The following RBPJ variants were observed in gnomAD, a reference collection of about 807,000 sequenced individuals.
The protein encoded by RBPJ is recombination signal binding protein for immunoglobulin kappa J region.
RBPJ carries 9 observed loss-of-function variants against 67.8 expected under a neutral mutation model. The observed-to-expected ratio is 0.13, with a 90% CI of 0.08 to 0.23. The LOEUF (loss-of-function observed/expected upper bound fraction) is 0.23, where lower values mean the gene tolerates loss of function less well. RBPJ is among the 10% of genes least tolerant of loss of function. The pLI is 1.00. For synonymous variants in RBPJ, 198 were observed against 203.3 expected (o/e 0.97, Z 0.22); for missense variants, 305 against 595.6 (o/e 0.51, Z 5.08).
intron 1 of RBPJ, among the ~76,000 whole-genome samples, chr4:26,197,336 G>A (rs897824475): frequency 2.6e-5 from 4 of 152,286 alleles, no homozygotes; most frequent in Non-Finnish European, 5.9e-5. Flanking sequence ...AACACAGGCT[G>A]GACCTCTGCC....
At chr4:26,230,189 TAA>T (rs76427821) in intron 1 of RBPJ, among the ~76,000 whole-genome samples, 17 of 138,304 alleles carry the variant, frequency 1.2e-4, no homozygotes, top group Admixed American at 1.5e-4. Flanking sequence ...GACCCTATCT[TAA>T]AAAAAAAAAA....
At chr4:26,149,614 G>GCTCTCT in the RBPJ span, among the ~76,000 whole-genome samples, 3 of 150,594 alleles carry the variant, frequency 2.0e-5, no homozygotes, top group Non-Finnish European at 4.4e-5. Flanking sequence ...AGTGAGCTCA[G>GCTCTCT]CTCTCTCTCT....
chr4:26,243,007 G>A (rs1173526374), intron 1 of RBPJ, among the ~76,000 whole-genome samples: 2 of 152,070 alleles, frequency 1.3e-5, no homozygotes, highest in African/African-American at 2.4e-5. Context: ...TGGGTGGATC[G>A]CCTAAGGTTG....
At chr4:26,284,491 C>T (rs1285463415) in intron 1 of RBPJ, among the ~76,000 whole-genome samples, 1 of 152,206 alleles carries the variant, frequency 6.6e-6, no homozygotes, top group Non-Finnish European at 1.5e-5. Context: ...TTTTTTGAGA[C>T]TGAGTCTCGC....
intron 2 of RBPJ, among the ~76,000 whole-genome samples, chr4:26,393,773 A>G (rs541561613): frequency 3.9e-5 from 6 of 152,162 alleles, no homozygotes; most frequent in African/African-American, 1.4e-4. Context: ...ATTTGATGAG[A>G]AATATTTTAA....
intron 1 of RBPJ, among the ~76,000 whole-genome samples, chr4:26,221,664 T>C (rs925514062): frequency 3.3e-5 from 5 of 152,144 alleles, no homozygotes; most frequent in African/African-American, 1.2e-4. Context: ...AAACAATACT[T>C]ACAAAGAGTA....
intron 2 of RBPJ, among the ~76,000 whole-genome samples, chr4:26,398,021 T>C (rs1298664855): frequency 6.6e-6 from 1 of 152,190 alleles, no homozygotes; most frequent in African/African-American, 2.4e-5. Flanking sequence ...TGTGGCCTAT[T>C]GTGTTTCTCA....
At chr4:26,355,512 G>A (rs1358769527) in intron 1 of RBPJ, among the ~76,000 whole-genome samples, 1 of 151,776 alleles carries the variant, frequency 6.6e-6, no homozygotes, top group Non-Finnish European at 1.5e-5. Context: ...AAATGGGTGT[G>A]GGGGTGCATG....
chr4:26,199,738 G>T (rs1000674190), intron 1 of RBPJ, among the ~76,000 whole-genome samples: 15 of 152,186 alleles, frequency 9.9e-5, no homozygotes, highest in East Asian at 3.8e-4. Context: ...CTTTTTGGGG[G>T]TGTTGAAAAT....
chr4:26,178,552 G>A (rs941363512), intron 1 of RBPJ, among the ~76,000 whole-genome samples: 21 of 150,858 alleles, frequency 1.4e-4, no homozygotes, highest in African/African-American at 5.1e-4. Flanking sequence ...AGATTGCAGT[G>A]GGCTGAGATC....
intron 1 of RBPJ, among the ~76,000 whole-genome samples, chr4:26,311,393 G>T (rs1009865665): frequency 6.6e-6 from 1 of 152,058 alleles, no homozygotes; most frequent in Non-Finnish European, 1.5e-5. Flanking sequence ...AAAAAAATTA[G>T]CCAGGCATGG....
the RBPJ span, among the ~76,000 whole-genome samples, chr4:26,154,826 G>T: frequency 4.9e-3 from 750 of 152,284 alleles, 6 homozygotes; most frequent in African/African-American, 0.017. Flanking sequence ...AGGGGAAGAG[G>T]TGCCAGGCTC....
At chr4:26,255,638 T>TA (rs553711128) in intron 1 of RBPJ, among the ~76,000 whole-genome samples, 9 of 148,938 alleles carry the variant, frequency 6.0e-5, no homozygotes, top group Admixed American at 3.3e-4. Context: ...CCGTCTCTAC[T>TA]AAAAATACAA....
At chr4:26,231,461 G>A (rs1049959545) in intron 1 of RBPJ, among the ~76,000 whole-genome samples, 25 of 151,146 alleles carry the variant, frequency 1.7e-4, no homozygotes, top group Non-Finnish European at 3.4e-4. Flanking sequence ...GCCCAGGCTG[G>A]AGTGCAGTGG....
the RBPJ span, among the ~76,000 whole-genome samples, chr4:26,120,687 A>G: frequency 6.8e-6 from 1 of 147,536 alleles, no homozygotes; most frequent in Non-Finnish European, 1.5e-5. Flanking sequence ...TCATAACCTA[A>G]TAGGTTACTC....
chr4:26,366,367 A>G (rs1257165564), intron 1 of RBPJ, among the ~76,000 whole-genome samples: 1 of 151,786 alleles, frequency 6.6e-6, no homozygotes, highest in Non-Finnish European at 1.5e-5. Flanking sequence ...TTTTGTTGCT[A>G]TATTGTTTTG....
At chr4:26,403,605 A>G (rs553621210) in intron 2 of RBPJ, among the ~76,000 whole-genome samples, 1 of 152,106 alleles carries the variant, frequency 6.6e-6, no homozygotes, top group South Asian at 2.1e-4. Flanking sequence ...CTCATCATTT[A>G]GTTCCCACTT....
chr4:26,198,341 A>G (rs1717858229), intron 1 of RBPJ, among the ~76,000 whole-genome samples: 1 of 152,168 alleles, frequency 6.6e-6, no homozygotes, highest in South Asian at 2.1e-4. Flanking sequence ...ACATTTCCTT[A>G]TTTATTGTCT....
At chr4:26,210,943 T>G (rs375657130) in intron 1 of RBPJ, among the ~76,000 whole-genome samples, 2 of 151,904 alleles carry the variant, frequency 1.3e-5, no homozygotes, top group South Asian at 2.1e-4. Flanking sequence ...TATTGTGATT[T>G]ATTTTTCTCC....
Sources: gnomAD v4.1 joint callset for allele counts (sites outside exome capture counted in the v4.1 genomes callset) on GRCh38, gnomAD v4.1.1 for gene constraint, MANE v1.5 for transcripts, NCBI Gene and HGNC (gene_info 2026-07-23, HGNC 2026-07-21) for gene names.